The following TFDP2 variants were observed in gnomAD, a reference collection of about 807,000 sequenced individuals.
TFDP2 encodes transcription factor Dp-2 (E2F dimerization partner 2).
In TFDP2, 17 loss-of-function variants were observed where a neutral mutation model predicts 59.3. The observed-to-expected ratio is 0.29, with a 90% CI of 0.20 to 0.43. The LOEUF (loss-of-function observed/expected upper bound fraction) is 0.43. Among genes scored for constraint, TFDP2 ranks in the 20% least tolerant of loss-of-function variants. TFDP2 has a pLI of 1.00. For missense variants in TFDP2, 391 were observed against 528.8 expected (o/e 0.74, Z 2.56); for synonymous variants, 180 against 194.7 (o/e 0.92, Z 0.63).
intron 3 of TFDP2, among the ~76,000 whole-genome samples, chr3:142,014,599 A>AT (rs569928914): frequency 1.2e-4 from 18 of 152,240 alleles, no homozygotes; most frequent in African/African-American, 4.3e-4. Context: ...AATTAGTAAG[A>AT]TGCTAACTAT....
chr3:142,141,485 C>G (rs1202478118), intron 1 of TFDP2, among the ~76,000 whole-genome samples: 1 of 152,162 alleles, frequency 6.6e-6, no homozygotes, highest in Non-Finnish European at 1.5e-5. Flanking sequence ...GGAGCTGTTC[C>G]TATTCGGCCA....
At chr3:142,112,856 A>G (rs757366780) in intron 1 of TFDP2, among the ~76,000 whole-genome samples, 17 of 152,146 alleles carry the variant, frequency 1.1e-4, no homozygotes, top group Non-Finnish European at 2.2e-4. Flanking sequence ...TAACACCTAA[A>G]GGCTACTTTC....
intron 4 of TFDP2, among the ~76,000 whole-genome samples, chr3:142,005,014 T>A (rs532888777): frequency 5.3e-5 from 8 of 152,358 alleles, no homozygotes; most frequent in Non-Finnish European, 1.0e-4. Flanking sequence ...GAACGTTTTT[T>A]AAAAGTGACT....
intron 3 of TFDP2, among the ~76,000 whole-genome samples, chr3:142,061,943 C>G (rs1157205176): frequency 2.5e-5 from 3 of 121,856 alleles, no homozygotes; most frequent in Non-Finnish European, 5.1e-5. Flanking sequence ...CACACACACA[C>G]AGAGCTGATA....
At chr3:142,019,436 CTGTG>C (rs1945419952) in intron 3 of TFDP2, among the ~76,000 whole-genome samples, 1 of 152,104 alleles carries the variant, frequency 6.6e-6, no homozygotes, top group Non-Finnish European at 1.5e-5. Context: ...TTAAAAAGGC[CTGTG>C]TGTGTTTAAA....
chr3:142,092,267 A>C (rs991749071), intron 3 of TFDP2, among the ~76,000 whole-genome samples: 7 of 152,204 alleles, frequency 4.6e-5, no homozygotes, highest in African/African-American at 1.7e-4. Context: ...GATATTGTTC[A>C]AAGAGACATA....
rs549073998 is a variant in TFDP2 at position 141,948,118 on chromosome 3, C to A, written c.*4395G>T. On this transcript the variant is annotated 3_prime_UTR_variant, in exon 13 of 13. Coordinates refer to ENST00000489671, the MANE Select transcript of TFDP2 (RefSeq NM_001178139.2). ...CTTAAGATTCACTGTCCAACCCCCA[C>A]CCCTTACTTACCACTAAGGCAGCAC... The A allele has an allele frequency of 6.6e-6, 1 of 152,422 alleles. No individual in the cohort carries two copies. The highest frequency in any genetic ancestry group is 6.5e-5 in the Admixed American group (1 of 15,304). 9.4% of individuals were successfully genotyped at this position (152,422 alleles called of 1,614,324 possible).
intron 7 of TFDP2, among the ~76,000 whole-genome samples, chr3:141,977,734 G>A (rs537387910): frequency 7.9e-5 from 12 of 151,490 alleles, no homozygotes; most frequent in Admixed American, 3.3e-4. Flanking sequence ...TTTTTGAGAC[G>A]GAGTCTCACT....
intron 1 of TFDP2, among the ~76,000 whole-genome samples, chr3:142,128,691 AAGAG>A (rs755122555): frequency 2.0e-5 from 3 of 151,988 alleles, no homozygotes; most frequent in Admixed American, 6.6e-5. Flanking sequence ...GGAAAAAAGA[AAGAG>A]AGGGAGGGAG....
At chr3:141,974,907 CTTTT>C (rs753702830) in intron 7 of TFDP2, among the ~76,000 whole-genome samples, 4 of 90,500 alleles carry the variant, frequency 4.4e-5, no homozygotes, top group Admixed American at 1.3e-4. Flanking sequence ...TCTTCTTCTT[CTTTT>C]TTTTTTTTTT....
At chr3:142,108,310 A>G (rs1235243881) in intron 1 of TFDP2, among the ~76,000 whole-genome samples, 8 of 151,876 alleles carry the variant, frequency 5.3e-5, no homozygotes, top group Admixed American at 3.9e-4. Context: ...CCCAGGTTCA[A>G]GCGATTCTTC....
At chr3:141,971,497 C>T (rs577739481) in intron 8 of TFDP2, among the ~76,000 whole-genome samples, 214 of 151,496 alleles carry the variant, frequency 1.4e-3, no homozygotes, top group African/African-American at 4.8e-3. Context: ...TGCAGTGAGC[C>T]GAAGATTGCG....
rs1038896295 is a variant in TFDP2, at chr3:141,945,681, T to C, written c.*6832A>G. The C allele has an allele frequency of 6.6e-6, 1 of 152,232 alleles. No individual in the cohort carries two copies. The allele number at this position is 152,232 out of a possible 1,614,324, so 9.4% of individuals were successfully genotyped here. On this transcript the variant is annotated 3_prime_UTR_variant, in exon 13 of 13. Coordinates refer to ENST00000489671, the MANE Select transcript of TFDP2 (RefSeq NM_001178139.2). ...CCCCATTGTCAGTGACGTTTTAGTA[T>C]GAAAATCCTGGCCCCAGTGTGAACA...
rs182739077 is a variant in TFDP2, at chr3:142,099,202, C to T, written c.15+2533G>A. Among the ~76,000 whole-genome samples the T allele has an allele frequency of 1.6e-3, 238 of 152,252 alleles. 1 individual carries two copies. The highest frequency in any genetic ancestry group is 4.8e-3 in the South Asian group (23 of 4,828). ...CAATTGATCACTTCCCCTTGAAACA[C>T]TTTCTTCACCTGGGCCTCCAGATCA... On this transcript the variant is annotated intron_variant, in intron 2 of 12. Coordinates refer to ENST00000489671, the MANE Select transcript of TFDP2 (RefSeq NM_001178139.2).
intron 2 of TFDP2, chr3:142,093,908 T>A (rs568546234): frequency 4.0e-6 from 2 of 495,386 alleles, no homozygotes; most frequent in South Asian, 3.0e-5. Flanking sequence ...ATGTAAAGCA[T>A]ATAGCACAGG....
intron 8 of TFDP2, 143 bp from the exon 9 acceptor site, chr3:141,970,284 C>A (rs1182878358): frequency 4.3e-6 from 3 of 698,556 alleles, no homozygotes; most frequent in African/African-American, 3.6e-5. Context: ...CAAATCATAT[C>A]TTTGTAGGGG....
chr3:142,025,922 C>T (rs1946047094), intron 3 of TFDP2, among the ~76,000 whole-genome samples: 1 of 152,108 alleles, frequency 6.6e-6, no homozygotes. Context: ...CGAGATCACA[C>T]CATTGCACTC....
intron 1 of TFDP2, among the ~76,000 whole-genome samples, chr3:142,138,696 T>C (rs1436888381): frequency 6.6e-6 from 1 of 152,250 alleles, no homozygotes; most frequent in Non-Finnish European, 1.5e-5. Flanking sequence ...AGTTTCTTAA[T>C]CCTGAGTTCT....
At chr3:142,097,315 G>T (rs575862453) in intron 2 of TFDP2, among the ~76,000 whole-genome samples, 2 of 152,224 alleles carry the variant, frequency 1.3e-5, no homozygotes, top group East Asian at 3.9e-4. Context: ...CAGACAAAAT[G>T]TTCCAAAAAG....
Sources: allele counts gnomAD v4.1 joint callset (sites outside exome capture counted in the v4.1 genomes callset), GRCh38; gene constraint gnomAD v4.1.1; transcripts MANE v1.5; gene names NCBI Gene and HGNC (gene_info 2026-07-23, HGNC 2026-07-21).